Variants in FBXL7 observed in about 807,000 individuals in gnomAD.
FBXL7 encodes the protein F-box and leucine rich repeat protein 7.
In FBXL7, 12 loss-of-function variants were observed where a neutral mutation model predicts 38.3. That is an observed-to-expected ratio of 0.31 (90% CI 0.20 to 0.51). The LOEUF is 0.51. Ranked by LOEUF, FBXL7 falls within the 20% of genes least tolerant of loss-of-function variation. FBXL7 has a pLI of 0.98. For synonymous variants in FBXL7, 297 were observed against 300.9 expected (o/e 0.99, Z 0.13); for missense variants, 567 against 676.4 (o/e 0.84, Z 1.79).
chr5:15,798,854 T>G (rs1279471916), intron 2 of FBXL7, among the ~76,000 whole-genome samples: 2 of 152,180 alleles, frequency 1.3e-5, no homozygotes, highest in Admixed American at 1.3e-4. Context: ...TTCATTTTTT[T>G]TCTAACTTTG....
At chr5:15,617,932 G>T (rs749899415) in intron 2 of FBXL7, among the ~76,000 whole-genome samples, 3 of 152,060 alleles carry the variant, frequency 2.0e-5, no homozygotes, top group Non-Finnish European at 2.9e-5. Flanking sequence ...TTAAAAGCAG[G>T]TTAAATAATC....
At chr5:15,556,350 C>T (rs969024956) in intron 1 of FBXL7, among the ~76,000 whole-genome samples, 3 of 152,074 alleles carry the variant, frequency 2.0e-5, no homozygotes, top group Non-Finnish European at 4.4e-5. Context: ...GAATTCAATT[C>T]AGTCTTCTGC....
Position 15,678,745 on chromosome 5 carries a change from C to T in FBXL7, c.127+62673C>T, listed in dbSNP as rs188983695. 3.6e-4 allele frequency among the ~76,000 whole-genome samples: 55 copies of T among 152,236 alleles called. 1 individual carries two copies. The highest frequency in any genetic ancestry group is 2.1e-3 in the Admixed American group (32 of 15,294). ...ATAAGGGATTTCCCTTTTCTCTTGACGCTCTCATTCTCTCTTGTCTGCCGC... is the reference window on the plus strand; with the variant it reads ...ATAAGGGATTTCCCTTTTCTCTTGATGCTCTCATTCTCTCTTGTCTGCCGC... On this transcript the variant is annotated intron_variant, in intron 2 of 3. Coordinates refer to ENST00000504595, the MANE Select transcript of FBXL7 (RefSeq NM_012304.5).
Position 15,863,707 on chromosome 5 carries a change from A to T in FBXL7, c.128-64183A>T, listed in dbSNP as rs1561158875. Among the ~76,000 whole-genome samples the T allele has an allele frequency of 2.0e-5, 3 of 152,174 alleles. No individual in the cohort carries two copies. The East Asian group carries it at 5.8e-4, about 29-fold the overall frequency. On this transcript the variant is annotated intron_variant, in intron 2 of 3. Transcript: ENST00000504595. ...TGGAGACAGAGCCCTCATGAATAGA[A>T]TAATGCTCTCTTTTGGTGATGAGTG...
chr5:15,890,235 G>T (rs1325113466), intron 2 of FBXL7, among the ~76,000 whole-genome samples: 1 of 151,946 alleles, frequency 6.6e-6, no homozygotes, highest in Non-Finnish European at 1.5e-5. Context: ...CAGATCAGCA[G>T]GGGCATTTGA....
Position 15,503,937 on chromosome 5 carries a change from G to C in FBXL7, c.37+3224G>C, listed in dbSNP as rs555106390. On this transcript the variant is annotated intron_variant, in intron 1 of 3. Transcript: ENST00000504595. ...GGTAATCTCATTATCTTCTGCTCTT[G>C]GAAAATACCTTTTCATTAAAAACAG... Among the ~76,000 whole-genome samples, 6 of 152,262 alleles carry C rather than the reference G, an allele frequency of 3.9e-5. No homozygotes were observed. The East Asian group carries it at 1.2e-3, about 29-fold the overall frequency.
At chr5:15,636,008 T>G (rs1741177768) in intron 2 of FBXL7, among the ~76,000 whole-genome samples, 2 of 151,834 alleles carry the variant, frequency 1.3e-5, no homozygotes, top group African/African-American at 4.8e-5. Flanking sequence ...GCAAGGTTAG[T>G]AGAGAATTTG....
chr5:15,867,413 A>T (rs1001092227), intron 2 of FBXL7, among the ~76,000 whole-genome samples: 1 of 152,186 alleles, frequency 6.6e-6, no homozygotes, highest in Non-Finnish European at 1.5e-5. Flanking sequence ...AGTTGGTGTC[A>T]GTCCCATAAA....
chr5:15,898,170 G>T (rs969441841), intron 2 of FBXL7, among the ~76,000 whole-genome samples: 1 of 151,650 alleles, frequency 6.6e-6, no homozygotes, highest in Admixed American at 6.6e-5. Flanking sequence ...TACAGGCAGA[G>T]TGAAGATACT....
intron 2 of FBXL7, among the ~76,000 whole-genome samples, chr5:15,632,100 G>A (rs1580421081): frequency 1.3e-5 from 2 of 152,096 alleles, no homozygotes; most frequent in Admixed American, 1.3e-4. Flanking sequence ...ATTGCACAAA[G>A]CTAAATACAG....
At chr5:15,555,585 C>G (rs1473619934) in intron 1 of FBXL7, among the ~76,000 whole-genome samples, 1 of 152,148 alleles carries the variant, frequency 6.6e-6, no homozygotes, top group Non-Finnish European at 1.5e-5. Context: ...TGCTGTCACA[C>G]AATTGTGTTC....
At chr5:15,564,288 G>C (rs767806816) in intron 1 of FBXL7, among the ~76,000 whole-genome samples, 4 of 151,626 alleles carry the variant, frequency 2.6e-5, no homozygotes, top group Admixed American at 6.6e-5. Context: ...TGCCATTTTA[G>C]TATAGTCATT....
chr5:15,699,537 T>C (rs1318608861), intron 2 of FBXL7, among the ~76,000 whole-genome samples: 1 of 152,194 alleles, frequency 6.6e-6, no homozygotes, highest in African/African-American at 2.4e-5. Flanking sequence ...CTTAAATAAT[T>C]ATATCAGCAG....
intron 1 of FBXL7, among the ~76,000 whole-genome samples, chr5:15,554,108 T>A (rs1738163830): frequency 6.6e-6 from 1 of 152,130 alleles, no homozygotes; most frequent in Admixed American, 6.5e-5. Context: ...TAGGTGTCCA[T>A]CCCAGACCCA....
At chr5:15,519,984 G>A (rs1369918959) in intron 1 of FBXL7, among the ~76,000 whole-genome samples, 1 of 152,174 alleles carries the variant, frequency 6.6e-6, no homozygotes, top group Non-Finnish European at 1.5e-5. Context: ...ACTCCTGGTT[G>A]CCTATTTTTA....
At chr5:15,791,863 G>T (rs959894720) in intron 2 of FBXL7, among the ~76,000 whole-genome samples, 1 of 152,146 alleles carries the variant, frequency 6.6e-6, no homozygotes, top group Non-Finnish European at 1.5e-5. Flanking sequence ...ATATATTAAT[G>T]TAGCCCTTAG....
chr5:15,699,510 C>T (rs948350444), intron 2 of FBXL7, among the ~76,000 whole-genome samples: 17 of 152,204 alleles, frequency 1.1e-4, no homozygotes, highest in African/African-American at 4.1e-4. Flanking sequence ...CCCACCCTAT[C>T]CCAACATGAC....
intron 2 of FBXL7, among the ~76,000 whole-genome samples, chr5:15,657,746 G>A (rs1449456864): frequency 6.6e-6 from 1 of 151,950 alleles, no homozygotes; most frequent in Non-Finnish European, 1.5e-5. Flanking sequence ...GCTGAGGCAG[G>A]AGAATTGCTT....
chr5:15,793,148 G>A (rs961081949), intron 2 of FBXL7, among the ~76,000 whole-genome samples: 3 of 152,154 alleles, frequency 2.0e-5, no homozygotes, highest in African/African-American at 7.2e-5. Context: ...CCATGTTGTA[G>A]CTGGAAGTCC....
Sources: gnomAD v4.1 joint callset for allele counts (sites outside exome capture counted in the v4.1 genomes callset) on GRCh38, gnomAD v4.1.1 for gene constraint, MANE v1.5 for transcripts, NCBI Gene and HGNC (gene_info 2026-07-23, HGNC 2026-07-21) for gene names.